Variants in TASOR observed in about 807,000 individuals in gnomAD.
TASOR encodes transcription activation suppressor.
TASOR carries 53 observed loss-of-function variants against 178.6 expected under a neutral mutation model. The observed-to-expected ratio is 0.30, with a 90% CI of 0.24 to 0.37. TASOR has a LOEUF of 0.37. Among genes scored for constraint, TASOR ranks in the 10% least tolerant of loss-of-function variants. The pLI, the probability that TASOR is intolerant of heterozygous loss-of-function variation, is 1.00. For synonymous variants in TASOR, 713 were observed against 696.2 expected (o/e 1.02, Z -0.38); for missense variants, 1,815 against 1,971.4 (o/e 0.92, Z 1.50).
chr3:56,633,608 A>G lies in TASOR; in HGVS notation c.3183T>C (p.Leu1061=). 1 of 1,614,080 alleles carries G rather than the reference A, an allele frequency of 6.2e-7. No individual in the cohort carries two copies. ...IFSTQEKMKR[L]SEFIYSKTSK... ...AAGTCTTAGAATATATGAACTCGGA[A>G]AGCCGTTTCATCTTCTCTTGTGTTG... The change falls in exon 18 of 24, where the codon CTT becomes CTC. Residue 1061 remains leucine, a synonymous_variant. Coordinates refer to ENST00000683822, the MANE Select transcript of TASOR (RefSeq NM_001365635.2).
Position 56,670,057 on chromosome 3 carries a change from A to C in TASOR, c.643+16T>G. ...CTTAGTAGTAGATATTTATATTTAA[A>C]AAGAAAAAAGATTACCCATGGAAGG... On this transcript the variant is annotated intron_variant, in intron 4 of 23. Transcript: ENST00000683822. 1.3e-6 allele frequency: 2 copies of C among 1,491,542 alleles called. No individual in the cohort carries two copies. The highest frequency in any genetic ancestry group is 1.8e-6 in the Non-Finnish European group (2 of 1,110,732). 92.4% of individuals were successfully genotyped at this position (1,491,542 alleles called of 1,614,324 possible).
At position 56,669,755 on chromosome 3, in the gene TASOR, G is replaced by A. The variant is rs775115438; in HGVS notation, c.680C>T (p.Ala227Val). 3.9e-5 allele frequency: 60 copies of A among 1,548,540 alleles called. No homozygotes were observed. In the South Asian group the frequency reaches 4.0e-4, roughly 10 times the overall value. The change falls in exon 5 of 24, where the codon GCG becomes GTG. Residue 227 changes from alanine (A) to valine (V), a missense_variant. Ala to Val is a moderately conservative substitution (Grantham distance 64). This residue lies in a region of TASOR where 504 missense variants were observed against 645.3 expected (regional missense o/e 0.78). Coordinates refer to ENST00000683822, the MANE Select transcript of TASOR (RefSeq NM_001365635.2). ...CATTGCCCCCGTGTCCAAAGGATTC[G>A]CTTGTAATAAATCAGCATACCTAGA... ...YLSRYADLLQ[A>V]NPLDTGAMGD... is the part of the protein sequence containing the mutation.
intron 2 of TASOR, among the ~76,000 whole-genome samples, chr3:56,672,479 C>T (rs1488620774): frequency 2.6e-5 from 4 of 152,118 alleles, no homozygotes; most frequent in South Asian, 2.1e-4. Flanking sequence ...ATAAAAAATT[C>T]GTATTTCAGG....
intron 6 of TASOR, among the ~76,000 whole-genome samples, chr3:56,667,164 C>A (rs1210976692): frequency 1.3e-5 from 2 of 152,058 alleles, no homozygotes; most frequent in African/African-American, 4.8e-5. Flanking sequence ...TGCTACTGTC[C>A]AGAGGGTAAT....
At chr3:56,636,626 G>A (rs2077023599) in intron 17 of TASOR, among the ~76,000 whole-genome samples, 1 of 151,660 alleles carries the variant, frequency 6.6e-6, no homozygotes, top group Non-Finnish European at 1.5e-5. Context: ...TGGTCTCGAT[G>A]TCTTGACCTC....
At position 56,624,549 on chromosome 3, in the gene TASOR, G is replaced by A. The variant is rs1285655994; in HGVS notation, c.4413C>T (p.Gly1471=). The A allele has an allele frequency of 6.2e-7, 1 of 1,613,882 alleles. No individual in the cohort carries two copies. The highest frequency in any genetic ancestry group is 8.5e-7 in the Non-Finnish European group (1 of 1,179,950). Residue 1471 remains glycine, a synonymous_variant, in exon 23 of 24, where the codon GGC becomes GGT. Coordinates refer to ENST00000683822, the MANE Select transcript of TASOR (RefSeq NM_001365635.2). ...DFMQNFKNLV[G]YHNSITEENL... is the part of the protein sequence containing the mutation. ...TTTCTTCTGTGATTGAATTGTGATA[G>A]CCCACAAGATTTTTAAAGTTTTGCA... is the stretch of plus-strand genomic sequence containing the variant.
intron 8 of TASOR, 121 bp from the exon 9 acceptor site, chr3:56,662,611 A>G (rs2077622112): frequency 3.8e-6 from 2 of 526,038 alleles, no homozygotes; most frequent in South Asian, 2.7e-5. Flanking sequence ...GAGGGCAAAA[A>G]AAAAAAAACA....
intron 1 of TASOR, among the ~76,000 whole-genome samples, chr3:56,680,725 C>T (rs1008244572): frequency 2.0e-5 from 3 of 152,050 alleles, no homozygotes; most frequent in African/African-American, 7.2e-5. Flanking sequence ...ATTTGAACAG[C>T]TGGTGTTCAG....
chr3:56,653,465 A>T (rs1559837655), intron 11 of TASOR, among the ~76,000 whole-genome samples: 2 of 151,286 alleles, frequency 1.3e-5, no homozygotes, highest in African/African-American at 2.4e-5. Context: ...AAAAAAAAAG[A>T]TTTAAAAAGT....
Position 56,652,018 on chromosome 3 carries a change from A to T in TASOR, c.1369-2961T>A, listed in dbSNP as rs146104912. Among the ~76,000 whole-genome samples the T allele has an allele frequency of 7.9e-5, 12 of 152,350 alleles. No homozygotes were observed. The East Asian group carries it at 2.3e-3, about 29-fold the overall frequency. On this transcript the variant is annotated intron_variant, in intron 11 of 23. Transcript: ENST00000683822. ...GGCCATAAAACAGAATGAAGTTCTG[A>T]TATATGCTACAACATCAATGAGCCT...
At position 56,627,003 on chromosome 3, in the gene TASOR, A is replaced by C. The variant is rs534082680; in HGVS notation, c.4139+34T>G. Reference sequence around the variant, plus strand: ...ATATTATGAGTACAATGTTAAAATCAACAACCATTATATAGTTATGTTTCA... The same window carrying C: ...ATATTATGAGTACAATGTTAAAATCCACAACCATTATATAGTTATGTTTCA... On this transcript the variant is annotated intron_variant, in intron 21 of 23. Coordinates refer to ENST00000683822, the MANE Select transcript of TASOR (RefSeq NM_001365635.2). 2 of 1,276,074 alleles carry C rather than the reference A, an allele frequency of 1.6e-6. 1 individual carries two copies. The highest frequency in any genetic ancestry group is 2.6e-5 in the South Asian group (2 of 77,888). 79.0% of individuals were successfully genotyped at this position (1,276,074 alleles called of 1,614,324 possible). A position where few individuals can be genotyped will look rare whatever the true frequency, so the allele number is the denominator to read the frequency against.
intron 14 of TASOR, among the ~76,000 whole-genome samples, chr3:56,644,175 C>T (rs144754505): frequency 9.2e-5 from 14 of 152,206 alleles, no homozygotes; most frequent in Admixed American, 5.9e-4. Flanking sequence ...AACTTCATAA[C>T]TTTTGGTAAA....
chr3:56,632,056 CA>C (rs1232707055), intron 18 of TASOR, among the ~76,000 whole-genome samples: 4 of 152,046 alleles, frequency 2.6e-5, no homozygotes, highest in Non-Finnish European at 5.9e-5. Context: ...CAAGAAACAC[CA>C]AAAGTTTATC....
intron 2 of TASOR, 49 bp downstream of exon 2, chr3:56,673,531 T>G: frequency 7.1e-7 from 1 of 1,402,258 alleles, no homozygotes. Flanking sequence ...TCCCAGGCTG[T>G]TAACTGGTTC....
intron 1 of TASOR, among the ~76,000 whole-genome samples, chr3:56,677,312 A>G (rs2107641904): frequency 6.6e-6 from 1 of 152,302 alleles, no homozygotes; most frequent in South Asian, 2.1e-4. Context: ...TGAATTATCC[A>G]TTTCACTCAG....
At chr3:56,667,074 A>T (rs1205212614) in intron 6 of TASOR, among the ~76,000 whole-genome samples, 1 of 152,198 alleles carries the variant, frequency 6.6e-6, no homozygotes, top group Non-Finnish European at 1.5e-5. Flanking sequence ...TGGAGTTTTT[A>T]AAAAACGTAA....
chr3:56,638,578 T>A, intron 17 of TASOR, 128 bp downstream of exon 17: 1 of 751,344 alleles, frequency 1.3e-6, no homozygotes, highest in East Asian at 2.7e-5. Flanking sequence ...TAAATAAATA[T>A]GGTACTGTCC....
At chr3:56,673,433 CA>C (rs5849162) in intron 2 of TASOR, 146 bp downstream of exon 2, 36,815 of 193,694 alleles carry the variant, frequency 0.19, 1,033 homozygotes, top group African/African-American at 0.33. Context: ...ACTCCGTCTC[CA>C]AAAAAAAAAA....
In TASOR at chr3:56,621,426, T is replaced by C; in HGVS notation, c.*1611A>G. 1.3e-6 allele frequency: 1 copy of C among 783,698 alleles called. No homozygotes were observed. Among genetic ancestry groups the C allele is most frequent in the Non-Finnish European group, 2.0e-6 (1 of 510,676 alleles). 48.5% of individuals were successfully genotyped at this position (783,698 alleles called of 1,614,324 possible). ...AAAAAATTTTTGAATGACAAAATTTTATCCTAAGCGATATGTTTTCCAAGT... is the reference window on the plus strand; with the variant it reads ...AAAAAATTTTTGAATGACAAAATTTCATCCTAAGCGATATGTTTTCCAAGT... On this transcript the variant is annotated 3_prime_UTR_variant, in exon 24 of 24. Coordinates refer to ENST00000683822, the MANE Select transcript of TASOR (RefSeq NM_001365635.2).
Sources: gnomAD v4.1 joint callset for allele counts (sites outside exome capture counted in the v4.1 genomes callset) on GRCh38, gnomAD v4.1.1 for gene constraint, gnomAD v4.1.1 regional missense constraint, MANE v1.5 for transcripts, NCBI Gene and HGNC (gene_info 2026-07-23, HGNC 2026-07-21) for gene names.